The following ARSF variants were observed in gnomAD, a reference collection of about 807,000 sequenced individuals.
ARSF encodes the protein arylsulfatase F.
A neutral mutation model predicts 35.4 loss-of-function variants in ARSF; 33 were observed. The ratio of observed to expected loss-of-function variants is 0.93; its 90% confidence interval spans 0.71 to 1.25. The LOEUF is 1.25. Ranked by LOEUF, ARSF falls within the 50% of genes most tolerant of loss-of-function variation. The probability of loss-of-function intolerance (pLI) is 0.00; values close to 1 mark genes in which losing one functional copy is unlikely to be tolerated. For synonymous variants in ARSF, 222 were observed against 193.1 expected (o/e 1.15, Z -1.24); for missense variants, 501 against 480.2 (o/e 1.04, Z -0.40).
At position 3,084,582 on chromosome X, in the gene ARSF, G is replaced by A. The variant is rs148764513; in HGVS notation, c.746G>A (p.Arg249Gln). 5.0e-6 allele frequency: 6 copies of A among 1,210,720 alleles called. No homozygotes were observed. Among genetic ancestry groups the A allele is most frequent in the South Asian group, 1.8e-5 (1 of 56,795 alleles). The change falls in exon 6 of 11, where the codon CGG becomes CAG. Residue 249 changes from arginine to glutamine, a missense_variant. Physicochemically the swap from Arg to Gln is conservative, Grantham distance 43. Transcript: ENST00000381127. ...TTATACTGGGACTGCCTCCTCATGC[G>A]GGGGCACGAGATCACGGAGCAGCCC... ...SPLYWDCLLM[R>Q]GHEITEQPMK...
chrX:3,085,187 C>A (rs1427711484), intron 6 of ARSF, among the ~76,000 whole-genome samples: 1 of 109,075 alleles, frequency 9.2e-6, no homozygotes, highest in Non-Finnish European at 1.9e-5. Flanking sequence ...GGACGCAGAC[C>A]CTAGTAACTT....
intron 1 of ARSF, among the ~76,000 whole-genome samples, chrX:3,052,359 A>AG (rs2090000301): frequency 8.9e-6 from 1 of 112,184 alleles, no homozygotes; most frequent in South Asian, 3.7e-4. Flanking sequence ...CATGTCCTTC[A>AG]TATTTTGGCT....
chrX:3,098,728 T>C lies in ARSF; in HGVS notation c.968-2359T>C, dbSNP rs1460341432. Among the ~76,000 whole-genome samples the C allele has an allele frequency of 3.6e-5, 4 of 111,457 alleles. No individual in the cohort carries two copies. The East Asian group carries it at 1.1e-3, about 31-fold the overall frequency. On this transcript the variant is annotated intron_variant, in intron 7 of 10. Coordinates refer to ENST00000381127, the MANE Select transcript of ARSF (RefSeq NM_001201539.2). Reference sequence around the variant, plus strand: ...CGTCTCAGGTATGTCTTTATTAGCATCGTGAAAACAGACTAATACAGTATG... The same window carrying C: ...CGTCTCAGGTATGTCTTTATTAGCACCGTGAAAACAGACTAATACAGTATG...
intron 8 of ARSF, among the ~76,000 whole-genome samples, chrX:3,102,264 T>A (rs1204740641): frequency 9.0e-6 from 1 of 111,637 alleles, no homozygotes; most frequent in Non-Finnish European, 1.9e-5. Context: ...ATATGTAGTA[T>A]TTTTTTCCTC....
chrX:3,097,944 G>A (rs773380605), intron 7 of ARSF, among the ~76,000 whole-genome samples: 3 of 109,425 alleles, frequency 2.7e-5, no homozygotes, highest in Non-Finnish European at 3.8e-5. Context: ...CCTGCGAAGC[G>A]GAGGTTGCAG....
chrX:3,101,161 G>C lies in ARSF; in HGVS notation c.1042G>C (p.Gly348Arg). Residue 348 changes from glycine to arginine, a missense_variant, in exon 8 of 11, where the codon GGG becomes CGG. Transcript: ENST00000381127. The part of the protein sequence containing the change: ...TLVYFTSDHG[G>R]HLEARRGHAQ... Reference sequence around the variant, plus strand: ...TGTCTACTTTACATCAGATCACGGAGGGCATTTGGAAGCTAGGCGAGGGCA... The same window carrying C: ...TGTCTACTTTACATCAGATCACGGACGGCATTTGGAAGCTAGGCGAGGGCA... The C allele has an allele frequency of 8.3e-7, 1 of 1,211,313 alleles. No individual in the cohort carries two copies. The highest frequency in any genetic ancestry group is 1.1e-6 in the Non-Finnish European group (1 of 895,215).
chrX:3,097,276 CTATAGT>C (rs1212745564), intron 7 of ARSF, among the ~76,000 whole-genome samples: 1 of 111,802 alleles, frequency 8.9e-6, no homozygotes, highest in Non-Finnish European at 1.9e-5. Flanking sequence ...TTGGAAGAAG[CTATAGT>C]TAAACAGTAA....
intron 7 of ARSF, among the ~76,000 whole-genome samples, chrX:3,099,233 T>C (rs1419057779): frequency 1.8e-5 from 2 of 112,074 alleles, no homozygotes; most frequent in Non-Finnish European, 3.8e-5. Context: ...GGGTGGATTC[T>C]TAGGATTTAA....
chrX:3,088,038 C>T (rs966589060), intron 6 of ARSF, among the ~76,000 whole-genome samples: 3 of 111,677 alleles, frequency 2.7e-5, no homozygotes, highest in Non-Finnish European at 3.8e-5. Flanking sequence ...AATTTCCCAA[C>T]GAATGGCATT....
At chrX:3,058,030 A>G (rs1245814843) in intron 1 of ARSF, among the ~76,000 whole-genome samples, 1 of 111,164 alleles carries the variant, frequency 9.0e-6, no homozygotes, top group Non-Finnish European at 1.9e-5. Context: ...AGGAAACAAC[A>G]CTTGGTTTGG....
chrX:3,045,529 A>C (rs1200007822), intron 1 of ARSF, among the ~76,000 whole-genome samples: 1 of 109,879 alleles, frequency 9.1e-6, no homozygotes, highest in East Asian at 2.9e-4. Flanking sequence ...TGTCATTTGC[A>C]TAGGGCATGA....
chrX:3,108,965 G>A (rs1423631685), intron 9 of ARSF, among the ~76,000 whole-genome samples: 2 of 111,233 alleles, frequency 1.8e-5, no homozygotes, highest in Admixed American at 9.6e-5. Flanking sequence ...GCATTGAGCC[G>A]AGATCGTGCC....
At chrX:3,094,249 T>C (rs1247206376) in intron 7 of ARSF, among the ~76,000 whole-genome samples, 1 of 111,521 alleles carries the variant, frequency 9.0e-6, no homozygotes, top group Non-Finnish European at 1.9e-5. Context: ...TAAGCCAGGG[T>C]TGGGCTCCAA....
intron 10 of ARSF, among the ~76,000 whole-genome samples, chrX:3,111,137 T>A (rs1477261166): frequency 1.8e-5 from 2 of 108,732 alleles, no homozygotes; most frequent in Non-Finnish European, 3.8e-5. Flanking sequence ...TTTCTTTCTT[T>A]CTTTTTTTTT....
At position 3,098,610 on chromosome X, in the gene ARSF, G is replaced by A. The variant is rs141137363; in HGVS notation, c.968-2477G>A. 4.9e-3 allele frequency among the ~76,000 whole-genome samples: 545 copies of A among 111,106 alleles called. 3 individuals are homozygous for A. The highest frequency in any genetic ancestry group is 0.016 in the African/African-American group (493 of 30,604). ...TTCTCTCATGTCTGCCACCGTGTAA[G>A]ATGTGCCTTTCACCTCCCATCGTGA... On this transcript the variant is annotated intron_variant, in intron 7 of 10. Transcript: ENST00000381127.
chrX:3,052,734 A>G (rs1333902482), intron 1 of ARSF, among the ~76,000 whole-genome samples: 2 of 110,311 alleles, frequency 1.8e-5, no homozygotes, highest in East Asian at 5.6e-4. Flanking sequence ...TCAAAATAAA[A>G]CAGTATAAAA....
At chrX:3,053,328 CTTT>C (rs762769881) in intron 1 of ARSF, among the ~76,000 whole-genome samples, 53 of 92,992 alleles carry the variant, frequency 5.7e-4, no homozygotes, top group Middle Eastern at 5.5e-3. Flanking sequence ...GTATCCACAA[CTTT>C]TTTTTTTTTT....
intron 9 of ARSF, among the ~76,000 whole-genome samples, chrX:3,108,999 A>T (rs1289893777): frequency 9.0e-6 from 1 of 111,206 alleles, no homozygotes; most frequent in Non-Finnish European, 1.9e-5. Context: ...CTGGGCAACA[A>T]GAGCAAAACT....
chrX:3,065,935 T>G (rs982513561), intron 1 of ARSF, among the ~76,000 whole-genome samples: 11 of 110,146 alleles, frequency 1.0e-4, no homozygotes, highest in Admixed American at 7.8e-4. Context: ...TATGTAAAAA[T>G]ACAAAAATTA....
Sources: gnomAD v4.1 joint callset for allele counts (sites outside exome capture counted in the v4.1 genomes callset) on GRCh38, gnomAD v4.1.1 for gene constraint, MANE v1.5 for transcripts, NCBI Gene and HGNC (gene_info 2026-07-23, HGNC 2026-07-21) for gene names.